The following SORL1 variants were observed in gnomAD, a reference collection of about 807,000 sequenced individuals.
The protein encoded by SORL1 is sortilin related receptor 1.
A neutral mutation model predicts 273.7 loss-of-function variants in SORL1; 127 were observed. The ratio of observed to expected loss-of-function variants is 0.46; its 90% CI spans 0.40 to 0.54. SORL1 has a LOEUF of 0.54. SORL1 is among the 20% of genes least tolerant of loss of function. The pLI is 0.00. For missense variants in SORL1, 2,494 were observed against 2,846.1 expected, an observed-to-expected ratio of 0.88 and a Z score of 2.81; for synonymous variants, 1,031 against 1,067.4, an observed-to-expected ratio of 0.97 and a Z score of 0.66.
At chr11:121,487,504 C>T (rs1861492891) in intron 3 of SORL1, among the ~76,000 whole-genome samples, 1 of 152,212 alleles carries the variant, frequency 6.6e-6, no homozygotes, top group South Asian at 2.1e-4. Flanking sequence ...CTGCCGATCA[C>T]CTGGCATAGC....
chr11:121,540,183 T>C (rs2134881650), intron 12 of SORL1, among the ~76,000 whole-genome samples: 1 of 152,342 alleles, frequency 6.6e-6, no homozygotes, highest in African/African-American at 2.4e-5. Context: ...AGCTGCCTGC[T>C]AGAGTCCTAA....
intron 27 of SORL1, among the ~76,000 whole-genome samples, chr11:121,587,646 C>T (rs770519812): frequency 5.9e-5 from 9 of 152,280 alleles, no homozygotes; most frequent in South Asian, 2.1e-4. Flanking sequence ...TGCCTACCCC[C>T]GTATTAGAGA....
At chr11:121,564,341 G>A (rs1044661011) in intron 21 of SORL1, among the ~76,000 whole-genome samples, 72 of 152,164 alleles carry the variant, frequency 4.7e-4, no homozygotes, top group African/African-American at 1.7e-3. Flanking sequence ...TGGTTAGCTT[G>A]TTTTGCAGTT....
At chr11:121,466,677 C>G (rs77414336) in intron 1 of SORL1, among the ~76,000 whole-genome samples, 3 of 152,192 alleles carry the variant, frequency 2.0e-5, no homozygotes, top group East Asian at 1.9e-4. Context: ...CTGTCCTGCG[C>G]GCATCCATTC....
chr11:121,631,984 T>C lies in SORL1; in HGVS notation c.*2421T>C, dbSNP rs1241423690. ...AAGAATCCAGAGGTTGGAGTGCCAA[T>C]AGAAAATGAAAACAAATGCCTTGTA... On this transcript the variant is annotated 3_prime_UTR_variant, in exon 48 of 48. Coordinates refer to ENST00000260197, the MANE Select transcript of SORL1 (RefSeq NM_003105.6). 6.6e-6 allele frequency: 1 copy of C among 152,178 alleles called. No individual in the cohort carries two copies. Among genetic ancestry groups the C allele is most frequent in the Non-Finnish European group, 1.5e-5 (1 of 68,022 alleles). 9.4% of individuals were successfully genotyped at this position (152,178 alleles called of 1,614,324 possible).
Position 121,619,793 on chromosome 11 carries a change from A to C in SORL1, c.5765A>C (p.Tyr1922Ser), listed in dbSNP as rs140883895. ...CCCTACCAGGGGCCATCCTCTGACT[A>C]CGTTGTAGTGAAGATGATCCCGGAC... ...VVPYQGPSSD[Y>S]VVVKMIPDSR... Residue 1922 changes from tyrosine to serine, a missense_variant, in exon 43 of 48, where the codon TAC becomes TCC. Transcript: ENST00000260197. 503 of 1,614,102 alleles carry C rather than the reference A, an allele frequency of 3.1e-4. 1 individual carries two copies. The African/African-American group carries it at 6.1e-3, about 19-fold the overall frequency.
At chr11:121,609,900 T>C (rs1010157) in intron 38 of SORL1, 102,174 of 152,094 alleles carry the variant, frequency 0.67, 34,983 homozygotes, top group African/African-American at 0.75. Context: ...GCTGAGGAAA[T>C]GGGTTTGGAG....
chr11:121,570,293 T>TA, intron 23 of SORL1, 23 bp downstream of exon 23: 1 of 1,564,162 alleles, frequency 6.4e-7, no homozygotes, highest in Non-Finnish European at 8.8e-7. Flanking sequence ...GATTGGACGT[T>TA]AAGCACTTAC....
chr11:121,592,346 T>G (rs1487459089), intron 31 of SORL1, among the ~76,000 whole-genome samples: 1 of 152,194 alleles, frequency 6.6e-6, no homozygotes, highest in African/African-American at 2.4e-5. Context: ...TGGAATCGCC[T>G]GGGGTGTTTA....
intron 2 of SORL1, among the ~76,000 whole-genome samples, chr11:121,476,806 C>CCCTT (rs1429559960): frequency 1.4e-4 from 20 of 145,358 alleles, no homozygotes; most frequent in Admixed American, 2.1e-4. Flanking sequence ...CTTCCTCCCT[C>CCCTT]CCTTCCTTCC....
intron 6 of SORL1, among the ~76,000 whole-genome samples, chr11:121,506,351 G>A (rs974305886): frequency 1.3e-5 from 2 of 152,146 alleles, no homozygotes; most frequent in African/African-American, 4.8e-5. Flanking sequence ...TTACAAAAAA[G>A]GTTTATAATG....
At chr11:121,605,380 T>A in intron 34 of SORL1, 22 bp from the exon 35 acceptor site, 3 of 1,603,634 alleles carry the variant, frequency 1.9e-6, no homozygotes, top group Non-Finnish European at 2.6e-6. Flanking sequence ...TGTGACAATA[T>A]CTTTATTTTT....
intron 8 of SORL1, among the ~76,000 whole-genome samples, chr11:121,514,864 C>G (rs569730077): frequency 2.0e-5 from 3 of 152,116 alleles, no homozygotes; most frequent in African/African-American, 4.8e-5. Context: ...AGCACCACAC[C>G]CATCAAGGGG....
chr11:121,566,911 C>G (rs1369529605), intron 21 of SORL1, 29 bp from the exon 22 acceptor site: 3 of 1,602,678 alleles, frequency 1.9e-6, no homozygotes, highest in Non-Finnish European at 2.6e-6. Context: ...GTGTATTAAC[C>G]TACCTGCTGC....
At chr11:121,522,067 A>AC (rs1236523824) in intron 9 of SORL1, among the ~76,000 whole-genome samples, 2 of 152,208 alleles carry the variant, frequency 1.3e-5, no homozygotes, top group Non-Finnish European at 2.9e-5. Context: ...CATAGGAAAA[A>AC]ATTTAGTGCT....
intron 40 of SORL1, among the ~76,000 whole-genome samples, chr11:121,613,121 G>T (rs150605425): frequency 5.9e-4 from 90 of 152,356 alleles, no homozygotes; most frequent in Non-Finnish European, 1.0e-3. Flanking sequence ...ATTCTCTGCA[G>T]ATGAGTTTTG....
chr11:121,453,500 G>A (rs1264228371), intron 1 of SORL1, among the ~76,000 whole-genome samples: 6 of 152,080 alleles, frequency 3.9e-5, no homozygotes, highest in Non-Finnish European at 7.4e-5. Flanking sequence ...AGTTAAGATT[G>A]ACATCAGCAA....
intron 23 of SORL1, among the ~76,000 whole-genome samples, chr11:121,573,573 A>T (rs1421795479): frequency 6.6e-6 from 1 of 152,210 alleles, no homozygotes; most frequent in Non-Finnish European, 1.5e-5. Context: ...AGATTGCGCC[A>T]CTGCACTCCA....
chr11:121,524,238 T>A (rs1862086008), intron 11 of SORL1, among the ~76,000 whole-genome samples: 1 of 152,254 alleles, frequency 6.6e-6, no homozygotes, highest in African/African-American at 2.4e-5. Flanking sequence ...GGTATCCTCT[T>A]CTCTGCGAAT....
Sources: gnomAD v4.1 joint callset for allele counts (sites outside exome capture counted in the v4.1 genomes callset) on GRCh38, gnomAD v4.1.1 for gene constraint, MANE v1.5 for transcripts, NCBI Gene and HGNC (gene_info 2026-07-23, HGNC 2026-07-21) for gene names.